The following PDE4D variants were observed in gnomAD, a reference collection of about 807,000 sequenced individuals.
PDE4D encodes the protein phosphodiesterase 4D, also known as 3',5'-cyclic-AMP phosphodiesterase 4D.
In PDE4D, 24 loss-of-function variants were observed where a neutral mutation model predicts 87.4. The observed-to-expected ratio is 0.27, with a 90% confidence interval of 0.20 to 0.39. PDE4D has a LOEUF of 0.39. Ranked by LOEUF, PDE4D falls within the 10% of genes least tolerant of loss-of-function variation. The pLI, the probability that PDE4D is intolerant of heterozygous loss-of-function variation, is 1.00. For missense variants in PDE4D, 714 were observed against 1,041.0 expected (o/e 0.69, Z 4.32); for synonymous variants, 384 against 383.2 (o/e 1.00, Z -0.02).
intron 1 of PDE4D, among the ~76,000 whole-genome samples, chr5:59,721,888 A>G (rs780162613): frequency 6.5e-4 from 99 of 152,118 alleles, no homozygotes; most frequent in Non-Finnish European, 3.7e-4. Flanking sequence ...CACATTCCCA[A>G]TGGGAGTCGC....
At chr5:59,115,976 A>G (rs1773541263) in intron 5 of PDE4D, among the ~76,000 whole-genome samples, 1 of 152,174 alleles carries the variant, frequency 6.6e-6, no homozygotes. Context: ...AAATCTCACA[A>G]TCTTCTGGCA....
intron 1 of PDE4D, among the ~76,000 whole-genome samples, chr5:59,242,747 C>T (rs150912300): frequency 5.0e-4 from 76 of 152,256 alleles, no homozygotes; most frequent in Non-Finnish European, 9.0e-4. Flanking sequence ...TCACAAGAAT[C>T]CCAGGTGGAA....
At chr5:59,966,121 C>A (rs1463476737) in intron 3 of PDE4D, among the ~76,000 whole-genome samples, 3 of 152,154 alleles carry the variant, frequency 2.0e-5, no homozygotes, top group African/African-American at 7.2e-5. Flanking sequence ...TGGTTCGCTA[C>A]TAGTTTACAA....
At chr5:59,650,924 C>T (rs1331009444) in intron 1 of PDE4D, among the ~76,000 whole-genome samples, 1 of 152,078 alleles carries the variant, frequency 6.6e-6, no homozygotes, top group East Asian at 1.9e-4. Flanking sequence ...TTATAAAGTG[C>T]TATTTGTATA....
At chr5:59,924,413 A>G (rs918681599) in intron 3 of PDE4D, among the ~76,000 whole-genome samples, 15 of 152,172 alleles carry the variant, frequency 9.9e-5, no homozygotes, top group African/African-American at 3.4e-4. Context: ...TAACCCAAAG[A>G]AGACTACCTC....
chr5:59,342,998 A>ATTTT (rs10701279), intron 1 of PDE4D, among the ~76,000 whole-genome samples: 87,600 of 149,666 alleles, frequency 0.59, 26,169 homozygotes, highest in African/African-American at 0.71. Flanking sequence ...GTTATTATTT[A>ATTTT]AAGTTCAGGG....
At chr5:59,570,189 C>A (rs1821593833) in intron 1 of PDE4D, among the ~76,000 whole-genome samples, 1 of 152,088 alleles carries the variant, frequency 6.6e-6, no homozygotes. Context: ...TAAAAAAAAC[C>A]CACATTCTTT....
chr5:59,602,570 T>C (rs1222508327), intron 1 of PDE4D, among the ~76,000 whole-genome samples: 2 of 152,070 alleles, frequency 1.3e-5, no homozygotes. Flanking sequence ...GTTCATAGAT[T>C]GGAGGAATTA....
At chr5:59,952,443 T>C (rs2152805185) in intron 3 of PDE4D, among the ~76,000 whole-genome samples, 1 of 152,324 alleles carries the variant, frequency 6.6e-6, no homozygotes, top group East Asian at 1.9e-4. Flanking sequence ...TAACCTGGCA[T>C]TAGCTAAACC....
At chr5:60,423,296 A>C (rs186557858) in intron 1 of PDE4D, among the ~76,000 whole-genome samples, 1 of 152,338 alleles carries the variant, frequency 6.6e-6, no homozygotes, top group Non-Finnish European at 1.5e-5. Flanking sequence ...AATTGGAAGT[A>C]AAGCACTACT....
At chr5:59,136,137 C>T (rs1455144291) in intron 5 of PDE4D, among the ~76,000 whole-genome samples, 2 of 151,994 alleles carry the variant, frequency 1.3e-5, no homozygotes, top group Non-Finnish European at 2.9e-5. Flanking sequence ...AAAAAATAAA[C>T]TCCTCAAGAT....
rs927663913 is a variant in PDE4D at position 60,395,958 on chromosome 5, G to A, written c.-90+91984C>T. Among the ~76,000 whole-genome samples, 4 of 152,046 alleles carry A rather than the reference G, an allele frequency of 2.6e-5. No individual in the cohort carries two copies. The East Asian group carries it at 5.8e-4, about 22-fold the overall frequency. Reference sequence around the variant, plus strand: ...GTTGTTTACCACACAAAGGTACTCCGCTCAAGCAGGCATGTGATAGCTAAA... The same window carrying A: ...GTTGTTTACCACACAAAGGTACTCCACTCAAGCAGGCATGTGATAGCTAAA... On this transcript the variant is annotated intron_variant, in intron 1 of 16. Transcript: ENST00000502484.
chr5:60,455,975 C>G (rs1398914993), intron 1 of PDE4D, among the ~76,000 whole-genome samples: 2 of 152,178 alleles, frequency 1.3e-5, no homozygotes, highest in Non-Finnish European at 2.9e-5. Context: ...CCACTCCCTT[C>G]TCTTCTCTTC....
chr5:60,004,294 G>A (rs994747674), intron 2 of PDE4D, among the ~76,000 whole-genome samples: 1 of 152,018 alleles, frequency 6.6e-6, no homozygotes. Flanking sequence ...ATGGGGGATT[G>A]GTTCAACCTT....
At chr5:60,079,696 T>C (rs1014056309) in intron 2 of PDE4D, among the ~76,000 whole-genome samples, 3 of 152,180 alleles carry the variant, frequency 2.0e-5, no homozygotes, top group Non-Finnish European at 4.4e-5. Context: ...AGATGTGTAG[T>C]GTTATTTCTG....
chr5:60,233,946 A>G (rs1382374999), intron 1 of PDE4D, among the ~76,000 whole-genome samples: 1 of 151,864 alleles, frequency 6.6e-6, no homozygotes, highest in Non-Finnish European at 1.5e-5. Context: ...CAACATACAT[A>G]TTCACATTAC....
chr5:59,206,660 T>G (rs1240519447), intron 2 of PDE4D, among the ~76,000 whole-genome samples: 1 of 152,186 alleles, frequency 6.6e-6, no homozygotes, highest in Admixed American at 6.5e-5. Context: ...CCAAACAATT[T>G]TTTTGTCTTA....
chr5:59,059,619 G>A (rs953843456), intron 5 of PDE4D, among the ~76,000 whole-genome samples: 3 of 152,098 alleles, frequency 2.0e-5, no homozygotes, highest in East Asian at 1.9e-4. Flanking sequence ...AGGTGGAGAT[G>A]CAATCTTTAA....
At chr5:59,026,465 C>T (rs1756263299) in intron 6 of PDE4D, among the ~76,000 whole-genome samples, 1 of 152,298 alleles carries the variant, frequency 6.6e-6, no homozygotes, top group Admixed American at 6.5e-5. Flanking sequence ...ATGTGACTAA[C>T]TACAAAATGT....
Sources: gnomAD v4.1 joint callset for allele counts (sites outside exome capture counted in the v4.1 genomes callset) on GRCh38, gnomAD v4.1.1 for gene constraint, MANE v1.5 for transcripts, NCBI Gene and HGNC (gene_info 2026-07-23, HGNC 2026-07-21) for gene names.